The following PIGR variants were observed in gnomAD, a reference collection of about 807,000 sequenced individuals.
The protein encoded by PIGR is polymeric immunoglobulin receptor.
Under a neutral mutation model 69.5 loss-of-function variants are expected in PIGR, and 22 were observed. The observed-to-expected ratio is 0.32, with a 90% CI of 0.23 to 0.45. The LOEUF (loss-of-function observed/expected upper bound fraction) is 0.45, where lower values mean the gene tolerates loss of function less well. Among genes scored for constraint, PIGR ranks in the 20% least tolerant of loss-of-function variants. The probability of loss-of-function intolerance (pLI) is 1.00; values close to 1 mark genes in which losing one functional copy is unlikely to be tolerated. For synonymous variants in PIGR, 413 were observed against 407.6 expected (o/e 1.01, Z -0.16); for missense variants, 885 against 974.0 (o/e 0.91, Z 1.22).
chr1:206,942,207 A>G (rs1680001685), intron 1 of PIGR, among the ~76,000 whole-genome samples: 1 of 152,184 alleles, frequency 6.6e-6, no homozygotes, highest in South Asian at 2.1e-4. Flanking sequence ...AGTCCGGTTA[A>G]TTGCCCCAGA....
At chr1:206,936,330 C>A (rs1490350371) in intron 4 of PIGR, among the ~76,000 whole-genome samples, 1 of 152,190 alleles carries the variant, frequency 6.6e-6, no homozygotes, top group Non-Finnish European at 1.5e-5. Flanking sequence ...ATTCTCCAGG[C>A]AGCTAAAGCT....
chr1:206,940,644 T>G, intron 1 of PIGR, 60 bp from the exon 2 acceptor site: 1 of 1,065,518 alleles, frequency 9.4e-7, no homozygotes, highest in Non-Finnish European at 1.3e-6. Context: ...CTAGTTGACC[T>G]TAGAGTTTCT....
At chr1:206,932,066 C>T (rs1679764908) in intron 8 of PIGR, among the ~76,000 whole-genome samples, 1 of 152,130 alleles carries the variant, frequency 6.6e-6, no homozygotes, top group South Asian at 2.1e-4. Context: ...TCACATCAGC[C>T]CCGTGAGGTC....
Position 206,937,486 on chromosome 1 carries a change from A to G in PIGR, c.654T>C (p.Tyr218=). 6.2e-7 allele frequency: 1 copy of G among 1,614,184 alleles called. No homozygotes were observed. The highest frequency in any genetic ancestry group is 8.5e-7 in the Non-Finnish European group (1 of 1,180,034). Residue 218 remains tyrosine (Y), a synonymous_variant, in exon 4 of 11, where the codon TAT becomes TAC. Coordinates refer to ENST00000356495, the MANE Select transcript of PIGR (RefSeq NM_002644.4). The part of the protein sequence containing the change: ...NQLRLSDAGQ[Y]LCQAGDDSNS... The stretch of plus-strand genomic sequence containing the variant: ...TGGAATCATCCCCAGCCTGGCAGAG[A>G]TACTGCCCAGCATCGCTGAGCCTGA...
In PIGR at chr1:206,939,054, C is replaced by T. The variant is rs1297330094; in HGVS notation, c.388+65G>A. 1.0e-5 allele frequency: 14 copies of T among 1,402,486 alleles called. No homozygotes were observed. In the South Asian group the frequency reaches 1.3e-4, roughly 13 times the overall value. The allele number at this position is 1,402,486 out of a possible 1,614,324, so 86.9% of individuals were successfully genotyped here. On this transcript the variant is annotated intron_variant, in intron 3 of 10. Coordinates refer to ENST00000356495, the MANE Select transcript of PIGR (RefSeq NM_002644.4). The stretch of plus-strand genomic sequence containing the variant: ...TTGTCAGGAAGTTCCTCCTCAAGCC[C>T]TCCATGCACCTTAGAGAATTCCCTC...
At chr1:206,940,659 C>T in intron 1 of PIGR, 75 bp from the exon 2 acceptor site, 1 of 901,580 alleles carries the variant, frequency 1.1e-6, no homozygotes, top group Non-Finnish European at 1.6e-6. Flanking sequence ...GTTTCTGTGA[C>T]ATCTATTTGG....
chr1:206,943,468 G>T (rs1417788749), intron 1 of PIGR, among the ~76,000 whole-genome samples: 2 of 152,188 alleles, frequency 1.3e-5, no homozygotes, highest in Non-Finnish European at 2.9e-5. Context: ...GCTAGGATGT[G>T]CTAGATCATT....
At chr1:206,941,819 C>A (rs2102603751) in intron 1 of PIGR, among the ~76,000 whole-genome samples, 1 of 152,338 alleles carries the variant, frequency 6.6e-6, no homozygotes, top group African/African-American at 2.4e-5. Context: ...GAAGTCTCCA[C>A]TTTCCCAGAC....
intron 6 of PIGR, 118 bp from the exon 7 acceptor site, chr1:206,933,284 G>A: frequency 1.0e-6 from 1 of 986,332 alleles, no homozygotes. Context: ...CGATCTCAAG[G>A]CTGTTGGGGT....
In PIGR at chr1:206,934,846, C is replaced by CAT. The variant is rs71570050; in HGVS notation, c.1379-102_1379-101dup. The CAT allele has an allele frequency of 4.6e-4, 285 of 615,526 alleles. 1 individual carries two copies. The highest frequency in any genetic ancestry group is 1.5e-3 in the Middle Eastern group (4 of 2,714). 38.1% of individuals were successfully genotyped at this position (615,526 alleles called of 1,614,324 possible). A position where few individuals can be genotyped will look rare whatever the true frequency, so the allele number is the denominator to read the frequency against. On this transcript the variant is annotated intron_variant, in intron 5 of 10. Transcript: ENST00000356495. ...GGAATCTTTGTCCACATGTCATATA[C>CAT]ATATATATATATATTTTTGTTTTTG...
At position 206,934,421 on chromosome 1, in the gene PIGR, C is replaced by A. The variant is rs35114189; in HGVS notation, c.1704G>T (p.Ala568=). The A allele has an allele frequency of 6.2e-7, 1 of 1,612,070 alleles. No individual in the cohort carries two copies. The part of the protein sequence containing the change: ...VYVAVEERKA[A]GSRDVSLAKA... ...CAGGCCCTGTCCTTGGAGACTCACCCGCTGCCTTCCTCTCTTCAACTGCCA... is the reference window on the plus strand; with the variant it reads ...CAGGCCCTGTCCTTGGAGACTCACCAGCTGCCTTCCTCTCTTCAACTGCCA... The change falls in exon 6 of 11, where the codon GCG becomes GCT. Residue 568 remains alanine (A), a splice_region_variant and synonymous_variant. Coordinates refer to ENST00000356495, the MANE Select transcript of PIGR (RefSeq NM_002644.4).
rs1272226236 is a variant in PIGR at position 206,930,239 on chromosome 1, C to G, written c.*79G>C. ...AGGTGTTAGAGCAGGGAGTGGGGTC[C>G]CCAGGAGCTGAGGGCCCCAGGATCG... On this transcript the variant is annotated 3_prime_UTR_variant, in exon 11 of 11. Transcript: ENST00000356495. The surrounding 1 kb of genome is among the most constrained non-coding windows in gnomAD (Gnocchi z 4.3). 1.5e-6 allele frequency: 2 copies of G among 1,310,510 alleles called. No homozygotes were observed. The highest frequency in any genetic ancestry group is 1.5e-5 in the African/African-American group (1 of 67,626). 81.2% of individuals were successfully genotyped at this position (1,310,510 alleles called of 1,614,324 possible).
intron 2 of PIGR, among the ~76,000 whole-genome samples, chr1:206,940,270 C>A (rs538292566): frequency 3.7e-4 from 57 of 152,322 alleles, no homozygotes; most frequent in African/African-American, 1.4e-3. Context: ...AGACCCCTGG[C>A]CTTGAGATTA....
chr1:206,937,661 T>A lies in PIGR; in HGVS notation c.479A>T (p.Gln160Leu). ...CTGCTTGTACAAGGACTTCCTCTTT[T>A]GAGCATTCTCAGTCTTGAAAGGGCA... ...INCPFKTENA[Q>L]KRKSLYKQIG... The change falls in exon 4 of 11, where the codon CAA becomes CTA. Residue 160 changes from glutamine (Q) to leucine (L), a missense_variant. Gln to Leu is a moderately radical substitution (Grantham distance 113). Transcript: ENST00000356495. 1.2e-6 allele frequency: 2 copies of A among 1,613,942 alleles called. No individual in the cohort carries two copies. Among genetic ancestry groups the A allele is most frequent in the Non-Finnish European group, 1.7e-6 (2 of 1,179,932 alleles).
At chr1:206,932,886 C>G in intron 7 of PIGR, 100 bp downstream of exon 7, 1 of 1,247,378 alleles carries the variant, frequency 8.0e-7, no homozygotes. Flanking sequence ...CCCCAGTGCT[C>G]AAGAGACAGA....
chr1:206,938,874 G>A (rs948435880), intron 3 of PIGR, among the ~76,000 whole-genome samples: 3 of 152,030 alleles, frequency 2.0e-5, no homozygotes, highest in African/African-American at 7.3e-5. Flanking sequence ...TTCTAAGCTG[G>A]GGTCTCCAGA....
intron 6 of PIGR, 28 bp downstream of exon 6, chr1:206,934,392 G>T (rs1334494504): frequency 6.3e-7 from 1 of 1,583,352 alleles, no homozygotes; most frequent in Admixed American, 1.7e-5. Context: ...GGGTCTGAGG[G>T]GTGCAGGCCC....
chr1:206,939,098 C>T, intron 3 of PIGR, 21 bp downstream of exon 3: 1 of 1,577,924 alleles, frequency 6.3e-7, no homozygotes, highest in South Asian at 1.1e-5. Flanking sequence ...CCCCAGAAGC[C>T]CAAGGAGCTT....
In PIGR at chr1:206,929,011, T is replaced by C. The variant is rs1679671193; in HGVS notation, c.*1307A>G. 1 of 140,036 alleles carries C rather than the reference T, an allele frequency of 7.1e-6. No individual in the cohort carries two copies. Among genetic ancestry groups the C allele is most frequent in the Admixed American group, 8.1e-5 (1 of 12,420 alleles). The allele number at this position is 140,036 out of a possible 1,614,324, so 8.7% of individuals were successfully genotyped here. Reference sequence around the variant, plus strand: ...TACTTTGAGAAGCTGAGGCGGCAGATCACTTGAGGCCAGGAGTTCGAGACC... The same window carrying C: ...TACTTTGAGAAGCTGAGGCGGCAGACCACTTGAGGCCAGGAGTTCGAGACC... On this transcript the variant is annotated 3_prime_UTR_variant, in exon 11 of 11. Coordinates refer to ENST00000356495, the MANE Select transcript of PIGR (RefSeq NM_002644.4).
Sources: allele counts gnomAD v4.1 joint callset (sites outside exome capture counted in the v4.1 genomes callset), GRCh38; gene constraint gnomAD v4.1.1; non-coding constraint Gnocchi (gnomAD v3.1); transcripts MANE v1.5; gene names NCBI Gene and HGNC (gene_info 2026-07-23, HGNC 2026-07-21).